QTRT2: variants seen among roughly 807,000 people sequenced by gnomAD.
The protein encoded by QTRT2 is queuine tRNA-ribosyltransferase accessory subunit 2, also known as queuine tRNA-ribosyltransferase domain containing 1.
In QTRT2, 32 loss-of-function variants were observed where a neutral mutation model predicts 44.8. The ratio of observed to expected loss-of-function variants is 0.71; its 90% confidence interval spans 0.54 to 0.96. The LOEUF (loss-of-function observed/expected upper bound fraction) is 0.96. Among genes scored for constraint, QTRT2 ranks in the 40% least tolerant of loss-of-function variants. The pLI is 0.00. For missense variants in QTRT2, 461 were observed against 503.1 expected (o/e 0.92, Z 0.80); for synonymous variants, 182 against 187.4 (o/e 0.97, Z 0.24).
chr3:114,084,399 C>CT (rs2077209915), intron 9 of QTRT2, among the ~76,000 whole-genome samples: 1 of 152,104 alleles, frequency 6.6e-6, no homozygotes, highest in South Asian at 2.1e-4. Context: ...TGGAGGATCA[C>CT]TTGAGCCCAG....
rs2077016684 is a variant in QTRT2 at position 114,070,901 on chromosome 3, TACC to T, written c.546+67_546+69del. On this transcript the variant is annotated intron_variant, in intron 6 of 9. Transcript: ENST00000281273. ...CTCTTGCCTCCCTTACATTCTGTGA[TACC>T]ACCTTTTCTGTTCTTCCTCCTACTG... 11 of 1,310,780 alleles carry T rather than the reference TACC, an allele frequency of 8.4e-6. No homozygotes were observed. The South Asian group carries it at 1.2e-4, about 15-fold the overall frequency. 81.2% of individuals were successfully genotyped at this position (1,310,780 alleles called of 1,614,324 possible).
At chr3:114,066,010 C>G (rs922654336) in intron 3 of QTRT2, among the ~76,000 whole-genome samples, 1 of 152,180 alleles carries the variant, frequency 6.6e-6, no homozygotes, top group African/African-American at 2.4e-5. Flanking sequence ...TTGATCTTTG[C>G]CAGTTTCATG....
At position 114,070,309 on chromosome 3, in the gene QTRT2, G is replaced by C. The variant is rs543948081; in HGVS notation, c.334-317G>C. On this transcript the variant is annotated intron_variant, in intron 5 of 9. Coordinates refer to ENST00000281273, the MANE Select transcript of QTRT2 (RefSeq NM_024638.4). Reference sequence around the variant, plus strand: ...GAAATACGGAACTGTCAGTCAAAAGGAACAGTGTGATCAAAGTCTGTGGTA... The same window carrying C: ...GAAATACGGAACTGTCAGTCAAAAGCAACAGTGTGATCAAAGTCTGTGGTA... Among the ~76,000 whole-genome samples the C allele has an allele frequency of 1.9e-3, 288 of 152,140 alleles. 2 individuals carry two copies. Among genetic ancestry groups the C allele is most frequent in the Non-Finnish European group, 1.9e-3 (131 of 67,990 alleles).
intron 2 of QTRT2, among the ~76,000 whole-genome samples, chr3:114,057,808 G>A (rs1483432268): frequency 6.6e-6 from 1 of 152,216 alleles, no homozygotes; most frequent in Non-Finnish European, 1.5e-5. Context: ...CCATATGCAA[G>A]TATGTTTAAA....
At chr3:114,082,244 A>ACG (rs1553760479) in intron 8 of QTRT2, among the ~76,000 whole-genome samples, 1 of 127,660 alleles carries the variant, frequency 7.8e-6, no homozygotes, top group Non-Finnish European at 1.7e-5. Flanking sequence ...ACACACACAC[A>ACG]CACACACACG....
intron 6 of QTRT2, among the ~76,000 whole-genome samples, chr3:114,075,604 G>T (rs1354359092): frequency 6.6e-6 from 1 of 150,896 alleles, no homozygotes; most frequent in Non-Finnish European, 1.5e-5. Context: ...CTCCTCCTCG[G>T]CTCAAGCGAT....
At chr3:114,077,972 C>T (rs1023645843) in intron 7 of QTRT2, 2 of 152,094 alleles carry the variant, frequency 1.3e-5, no homozygotes, top group Non-Finnish European at 2.9e-5. Flanking sequence ...CTTGGCCCCC[C>T]AAAGTGCTGG....
chr3:114,067,929 A>AAC, intron 4 of QTRT2, 58 bp from the exon 5 acceptor site: 1 of 1,473,764 alleles, frequency 6.8e-7, no homozygotes, highest in Non-Finnish European at 9.5e-7. Context: ...TCCCTGCTAT[A>AAC]ATACAGTGTC....
chr3:114,076,946 AGTGTTCG>A lies in QTRT2; in HGVS notation c.746+7_746+13del. 6.2e-7 allele frequency: 1 copy of A among 1,613,724 alleles called. No homozygotes were observed. Among genetic ancestry groups the A allele is most frequent in the Non-Finnish European group, 8.5e-7 (1 of 1,179,732 alleles). Reference sequence around the variant, plus strand: ...AGCTGCCGGAGGACAAGCCAAGGCCAGTGTTCGGTTAGGACACAGGCTGGCCTCAAGG... The same window carrying A: ...AGCTGCCGGAGGACAAGCCAAGGCCAGTTAGGACACAGGCTGGCCTCAAGG... On this transcript the variant is annotated splice_donor_5th_base_variant and intron_variant, in intron 7 of 9. Coordinates refer to ENST00000281273, the MANE Select transcript of QTRT2 (RefSeq NM_024638.4).
At chr3:114,065,602 A>G in intron 3 of QTRT2, 145 bp downstream of exon 3, 1 of 678,176 alleles carries the variant, frequency 1.5e-6, no homozygotes, top group South Asian at 2.0e-5. Flanking sequence ...TTCAAATATT[A>G]TACATCTTCT....
chr3:114,072,501 G>A (rs779100948), intron 6 of QTRT2, among the ~76,000 whole-genome samples: 1 of 152,096 alleles, frequency 6.6e-6, no homozygotes, highest in African/African-American at 2.4e-5. Context: ...TTAGTATGTA[G>A]CTATATTTTA....
At chr3:114,070,914 GTTCTTC>G in intron 6 of QTRT2, 76 bp downstream of exon 6, 1 of 1,141,716 alleles carries the variant, frequency 8.8e-7, no homozygotes, top group Non-Finnish European at 1.3e-6. Flanking sequence ...CACCTTTTCT[GTTCTTC>G]CTCCTACTGC....
In QTRT2 at chr3:114,065,192, G is replaced by A; in HGVS notation, c.-21-45G>A. On this transcript the variant is annotated intron_variant, in intron 2 of 9. Transcript: ENST00000281273. ...TTTTTTGCAAAATGCTTGGCCTCTA[G>A]GTGTTGTGAAGCTCCTTCTATACTT... 3 of 1,357,070 alleles carry A rather than the reference G, an allele frequency of 2.2e-6. No homozygotes were observed. The South Asian group carries it at 3.7e-5, about 17-fold the overall frequency. 84.1% of individuals were successfully genotyped at this position (1,357,070 alleles called of 1,614,324 possible).
At chr3:114,073,055 G>T (rs1006435871) in intron 6 of QTRT2, among the ~76,000 whole-genome samples, 12 of 152,158 alleles carry the variant, frequency 7.9e-5, no homozygotes, top group African/African-American at 2.9e-4. Context: ...ATATAATTTG[G>T]CTAATAAAGT....
intron 5 of QTRT2, among the ~76,000 whole-genome samples, chr3:114,069,134 A>T (rs911838558): frequency 5.9e-5 from 9 of 151,966 alleles, no homozygotes; most frequent in Admixed American, 5.9e-4. Context: ...AGTAATTCTG[A>T]TGCCTTAGTA....
At chr3:114,070,954 T>C in intron 6 of QTRT2, 116 bp downstream of exon 6, 1 of 719,852 alleles carries the variant, frequency 1.4e-6, no homozygotes, top group South Asian at 1.9e-5. Flanking sequence ...TCTTTGTCTA[T>C]TTTACTCTCT....
In QTRT2 at chr3:114,086,863, T is replaced by G. The variant is rs1050951155; in HGVS notation, c.*959T>G. ...ATAATGGATAGGAATGAATGAACTT[T>G]TAAGATACTGTCTAGCTCTAAAATT... On this transcript the variant is annotated 3_prime_UTR_variant, in exon 10 of 10. Transcript: ENST00000281273. 1.3e-5 allele frequency: 2 copies of G among 152,234 alleles called. No individual in the cohort carries two copies. The highest frequency in any genetic ancestry group is 2.9e-5 in the Non-Finnish European group (2 of 68,046). 9.4% of individuals were successfully genotyped at this position (152,234 alleles called of 1,614,324 possible). A position where few individuals can be genotyped will look rare whatever the true frequency, so the allele number is the denominator to read the frequency against.
intron 2 of QTRT2, among the ~76,000 whole-genome samples, chr3:114,058,594 A>G (rs1464720786): frequency 1.3e-5 from 2 of 152,070 alleles, no homozygotes; most frequent in African/African-American, 4.8e-5. Flanking sequence ...CTGCAGTGGC[A>G]TGATTTTGGC....
chr3:114,082,735 T>G lies in QTRT2; in HGVS notation c.957T>G (p.Ile319Met). The change falls in exon 9 of 10, where the codon ATT (isoleucine) becomes ATG (methionine). Residue 319 changes from isoleucine to methionine, a missense_variant. Physicochemically the swap from Ile to Met is conservative, Grantham distance 10. Transcript: ENST00000281273. Reference sequence around the variant, plus strand: ...AATGTATGGATCAAATAAAGAAAATTGAAACAACTGGTTGCAACCAAGAAA... The same window carrying G: ...AATGTATGGATCAAATAAAGAAAATGGAAACAACTGGTTGCAACCAAGAAA... ...EIKCMDQIKK[I>M]ETTGCNQEIT... 6.5e-7 allele frequency: 1 copy of G among 1,537,964 alleles called. No homozygotes were observed.
Sources: gnomAD v4.1 joint callset for allele counts (sites outside exome capture counted in the v4.1 genomes callset) on GRCh38, gnomAD v4.1.1 for gene constraint, MANE v1.5 for transcripts, NCBI Gene and HGNC (gene_info 2026-07-23, HGNC 2026-07-21) for gene names.